Variants in LSS observed in about 807,000 individuals in gnomAD.
The protein encoded by LSS is lanosterol synthase.
Under a neutral mutation model 110.3 loss-of-function variants are expected in LSS, and 90 were observed. The ratio of observed to expected loss-of-function variants is 0.82; its 90% CI spans 0.69 to 0.97. The LOEUF (loss-of-function observed/expected upper bound fraction) is 0.97. Among genes scored for constraint, LSS ranks in the 50% least tolerant of loss-of-function variants. The probability of loss-of-function intolerance (pLI) is 0.00; values close to 1 mark genes in which losing one functional copy is unlikely to be tolerated. For missense variants in LSS, 927 were observed against 990.0 expected, an observed-to-expected ratio of 0.94 and a Z score of 0.85; for synonymous variants, 433 against 400.0, an observed-to-expected ratio of 1.08 and a Z score of -0.98.
At chr21:46,211,134 C>CT (rs910812809) in intron 11 of LSS, among the ~76,000 whole-genome samples, 26 of 149,634 alleles carry the variant, frequency 1.7e-4, no homozygotes, top group South Asian at 1.3e-3. Flanking sequence ...GACCCCATTT[C>CT]TTTTTTTTTT....
At chr21:46,203,334 T>C (rs891666480) in intron 17 of LSS, among the ~76,000 whole-genome samples, 1 of 152,252 alleles carries the variant, frequency 6.6e-6, no homozygotes, top group African/African-American at 2.4e-5. Context: ...GTGCCATTAC[T>C]GCTCGTGCTG....
At chr21:46,200,889 A>G (rs1288862927) in intron 17 of LSS, among the ~76,000 whole-genome samples, 1 of 152,252 alleles carries the variant, frequency 6.6e-6, no homozygotes, top group Non-Finnish European at 1.5e-5. Flanking sequence ...CACTTGCACA[A>G]AAGAATACAC....
intron 1 of LSS, 28 bp downstream of exon 1, chr21:46,228,704 G>A: frequency 6.2e-7 from 1 of 1,602,708 alleles, no homozygotes; most frequent in Non-Finnish European, 8.5e-7. Flanking sequence ...CCCCGCATTC[G>A]TCAGGAGCCC....
At chr21:46,211,252 G>C (rs2080128374) in intron 11 of LSS, among the ~76,000 whole-genome samples, 1 of 152,176 alleles carries the variant, frequency 6.6e-6, no homozygotes, top group Non-Finnish European at 1.5e-5. Flanking sequence ...TCAGCCTCCG[G>C]AGTAGCTGGG....
rs757351256 is a variant in LSS, at chr21:46,191,065, C to A, written c.*39G>T. 1 of 1,612,110 alleles carries A rather than the reference C, an allele frequency of 6.2e-7. No homozygotes were observed. The highest frequency in any genetic ancestry group is 1.3e-5 in the African/African-American group (1 of 75,000). ...ACCCGGCCAGGACCCCTTGGCCTCA[C>A]TGGAACGCACAGACGGCACCCAGCA... is the stretch of plus-strand genomic sequence containing the variant. On this transcript the variant is annotated 3_prime_UTR_variant, in exon 22 of 22. Transcript: ENST00000397728.
chr21:46,208,221 G>T, intron 14 of LSS, 30 bp downstream of exon 14: 1 of 1,550,384 alleles, frequency 6.5e-7, no homozygotes, highest in Non-Finnish European at 8.7e-7. Flanking sequence ...CCTGGGGGAC[G>T]GGACAGGGAT....
At chr21:46,221,693 G>A in intron 5 of LSS, 161 bp downstream of exon 5, 3 of 1,052,904 alleles carry the variant, frequency 2.8e-6, no homozygotes, top group Non-Finnish European at 1.4e-6. Context: ...ATGATGCCTA[G>A]GTTAAACAGT....
intron 3 of LSS, chr21:46,225,201 C>G (rs186256803): frequency 4.6e-6 from 1 of 218,574 alleles, no homozygotes; most frequent in Non-Finnish European, 9.6e-6. Flanking sequence ...ATAATCCTCG[C>G]TCTACAATCA....
At chr21:46,228,283 G>C in intron 2 of LSS, 151 bp downstream of exon 2, 1 of 770,942 alleles carries the variant, frequency 1.3e-6, no homozygotes, top group East Asian at 2.8e-5. Context: ...TGAAGCGGAG[G>C]GGCCCGCGAA....
At position 46,191,085 on chromosome 21, in the gene LSS, C is replaced by G. The variant is rs774753738; in HGVS notation, c.*19G>C. Reference sequence around the variant, plus strand: ...CCTCACTGGAACGCACAGACGGCACCCAGCAGGTAGGCATGTTCTCAGGGG... The same window carrying G: ...CCTCACTGGAACGCACAGACGGCACGCAGCAGGTAGGCATGTTCTCAGGGG... On this transcript the variant is annotated 3_prime_UTR_variant, in exon 22 of 22. Transcript: ENST00000397728. The G allele has an allele frequency of 3.1e-6, 5 of 1,613,680 alleles. No homozygotes were observed. In the South Asian group the frequency reaches 5.5e-5, roughly 18 times the overall value.
At chr21:46,203,344 G>A (rs779183255) in intron 17 of LSS, among the ~76,000 whole-genome samples, 40 of 152,360 alleles carry the variant, frequency 2.6e-4, no homozygotes, top group Admixed American at 9.1e-4. Flanking sequence ...TGCTCGTGCT[G>A]GAGGAGCGCG....
At chr21:46,200,685 A>G (rs2079967524) in intron 17 of LSS, among the ~76,000 whole-genome samples, 1 of 152,242 alleles carries the variant, frequency 6.6e-6, no homozygotes, top group South Asian at 2.1e-4. Context: ...TGTCAATGTG[A>G]TAACTAAATG....
At chr21:46,207,796 T>G (rs2080072733) in intron 14 of LSS, among the ~76,000 whole-genome samples, 1 of 150,720 alleles carries the variant, frequency 6.6e-6, no homozygotes, top group African/African-American at 2.5e-5. Context: ...GCTCACACCC[T>G]CAACACCTGC....
intron 5 of LSS, 92 bp downstream of exon 5, chr21:46,221,762 G>A (rs1456076187): frequency 1.4e-5 from 22 of 1,568,094 alleles, no homozygotes; most frequent in Non-Finnish European, 1.8e-5. Flanking sequence ...CACTGTTTCA[G>A]CTGCAAGTGC....
chr21:46,206,144 C>G (rs544785477), intron 16 of LSS, among the ~76,000 whole-genome samples: 10 of 152,342 alleles, frequency 6.6e-5, no homozygotes, highest in African/African-American at 2.2e-4. Flanking sequence ...GGGAACACAG[C>G]AGAAAGCTGC....
intron 20 of LSS, 22 bp downstream of exon 20, chr21:46,194,469 G>C: frequency 1.2e-6 from 2 of 1,611,834 alleles, no homozygotes; most frequent in Non-Finnish European, 1.7e-6. Flanking sequence ...CCAAGGCTCA[G>C]GGACGGTCCC....
chr21:46,222,233 C>G, intron 4 of LSS: 2 of 554,182 alleles, frequency 3.6e-6, no homozygotes, highest in Non-Finnish European at 6.5e-6. Flanking sequence ...GTCAACACTT[C>G]TAGCTCAAGG....
chr21:46,192,423 C>T, intron 20 of LSS: 1 of 437,528 alleles, frequency 2.3e-6, no homozygotes, highest in Admixed American at 2.4e-5. Flanking sequence ...CCTGCTCAAG[C>T]AGACCTGCCC....
chr21:46,213,243 G>A (rs1427805913), intron 10 of LSS, among the ~76,000 whole-genome samples, 191 bp from the exon 11 acceptor site: 1 of 152,172 alleles, frequency 6.6e-6, no homozygotes, highest in Non-Finnish European at 1.5e-5. Flanking sequence ...TGGAAAACAG[G>A]ACACACTCAC....
Sources: allele counts gnomAD v4.1 joint callset (sites outside exome capture counted in the v4.1 genomes callset), GRCh38; gene constraint gnomAD v4.1.1; transcripts MANE v1.5; gene names NCBI Gene and HGNC (gene_info 2026-07-23, HGNC 2026-07-21).